The following DYNLT5 variants were observed in gnomAD, a reference collection of about 807,000 sequenced individuals.
DYNLT5 encodes dynein light chain Tctex-type family member 5, also known as dynein light chain Tctex-type 5.
Under a neutral mutation model 19.3 loss-of-function variants are expected in DYNLT5, and 25 were observed. That is an observed-to-expected ratio of 1.30 (90% CI 0.95 to 1.81). The LOEUF is 1.81. Among genes scored for constraint, DYNLT5 ranks in the 40% most tolerant of loss-of-function variants. The probability of loss-of-function intolerance (pLI) is 0.00; values close to 1 mark genes in which losing one functional copy is unlikely to be tolerated. For synonymous variants in DYNLT5, 82 were observed against 68.9 expected, an observed-to-expected ratio of 1.19 and a Z score of -0.94; for missense variants, 232 against 217.9, an observed-to-expected ratio of 1.06 and a Z score of -0.41.
chr1:66,752,722 G>GA, intron 1 of DYNLT5, 138 bp downstream of exon 1: 2 of 488,664 alleles, frequency 4.1e-6, no homozygotes, highest in Non-Finnish European at 2.7e-6. Context: ...CAACACATAA[G>GA]AAAAAATGAT....
chr1:66,754,840 G>A, intron 2 of DYNLT5, 63 bp downstream of exon 2: 1 of 1,495,318 alleles, frequency 6.7e-7, no homozygotes, highest in Non-Finnish European at 8.9e-7. Flanking sequence ...ATGTTTATTA[G>A]GAGAAAAAAA....
At chr1:66,760,261 C>T (rs1045945568) in intron 2 of DYNLT5, among the ~76,000 whole-genome samples, 4 of 152,222 alleles carry the variant, frequency 2.6e-5, no homozygotes, top group Middle Eastern at 3.4e-3. Context: ...AGTAACAGTT[C>T]CATGAGAGCA....
intron 2 of DYNLT5, among the ~76,000 whole-genome samples, chr1:66,764,095 G>C (rs1054255552): frequency 6.6e-6 from 1 of 152,084 alleles, no homozygotes; most frequent in African/African-American, 2.4e-5. Context: ...GACTGAGGTG[G>C]GAGGATCACC....
At chr1:66,754,165 A>C (rs1470756614) in intron 1 of DYNLT5, among the ~76,000 whole-genome samples, 1 of 152,044 alleles carries the variant, frequency 6.6e-6, no homozygotes, top group African/African-American at 2.4e-5. Context: ...GCTTGAGCCC[A>C]GGTGTTTGGG....
intron 2 of DYNLT5, among the ~76,000 whole-genome samples, chr1:66,756,800 C>T (rs922683963): frequency 1.1e-4 from 17 of 152,210 alleles, no homozygotes; most frequent in African/African-American, 4.1e-4. Flanking sequence ...ATCTTGCGGG[C>T]ATCATCCCCT....
chr1:66,759,881 T>A (rs1260994022), intron 2 of DYNLT5, among the ~76,000 whole-genome samples: 1 of 152,172 alleles, frequency 6.6e-6, no homozygotes, highest in Non-Finnish European at 1.5e-5. Flanking sequence ...AGCTACCTGA[T>A]ACCTTTGCAA....
rs2270702 is a variant in DYNLT5, at chr1:66,770,263, A to C, written c.120-124A>C. On this transcript the variant is annotated intron_variant, in intron 2 of 4. Coordinates refer to ENST00000282670, the MANE Select transcript of DYNLT5 (RefSeq NM_152665.3). ...TTCAATATGCCACTAGGATATTTAC[A>C]TAAGACTTACTTGAAATTTTCTGAG... The C allele has an allele frequency of 1.8e-5, 12 of 667,302 alleles. No homozygotes were observed. In the East Asian group the frequency reaches 3.2e-4, roughly 18 times the overall value. 41.3% of individuals were successfully genotyped at this position (667,302 alleles called of 1,614,324 possible). A position where few individuals can be genotyped will look rare whatever the true frequency, so the allele number is the denominator to read the frequency against.
At chr1:66,761,791 A>T (rs376007834) in intron 2 of DYNLT5, among the ~76,000 whole-genome samples, 3 of 152,218 alleles carry the variant, frequency 2.0e-5, no homozygotes, top group African/African-American at 7.2e-5. Flanking sequence ...TAAAATAAAA[A>T]TAAAATGAAA....
chr1:66,752,627 A>G (rs1367658639), intron 1 of DYNLT5, 43 bp downstream of exon 1: 2 of 979,598 alleles, frequency 2.0e-6, no homozygotes, highest in Non-Finnish European at 2.4e-6. Context: ...CCCCAAAGGA[A>G]GGATAGGGGG....
chr1:66,776,313 T>C lies in DYNLT5; in HGVS notation c.246T>C (p.Asn82=). The change falls in exon 4 of 5, where the codon AAT becomes AAC. Residue 82 remains asparagine (N), a synonymous_variant. Coordinates refer to ENST00000282670, the MANE Select transcript of DYNLT5 (RefSeq NM_152665.3). Reference sequence around the variant, plus strand: ...AACATTTTCCTGTGGTCACCGTCAATCATATTTTGAAAGATGTAGTAACCA... The same window carrying C: ...AACATTTTCCTGTGGTCACCGTCAACCATATTTTGAAAGATGTAGTAACCA... ...PPKHFPVVTV[N]HILKDVVTSY... The C allele has an allele frequency of 6.2e-7, 1 of 1,613,508 alleles. No homozygotes were observed. The highest frequency in any genetic ancestry group is 8.5e-7 in the Non-Finnish European group (1 of 1,179,682).
At chr1:66,768,667 A>T (rs1645183721) in intron 2 of DYNLT5, 1 of 152,154 alleles carries the variant, frequency 6.6e-6, no homozygotes, top group Non-Finnish European at 1.5e-5. Flanking sequence ...AGCTAATTTG[A>T]GTTTTGTACC....
Position 66,778,525 on chromosome 1 carries a change from G to A in DYNLT5, c.*1071G>A, listed in dbSNP as rs1645250581. 1 of 152,610 alleles carries A rather than the reference G, an allele frequency of 6.6e-6. No individual in the cohort carries two copies. The highest frequency in any genetic ancestry group is 1.5e-5 in the Non-Finnish European group (1 of 68,034). The allele number at this position is 152,610 out of a possible 1,614,324, so 9.5% of individuals were successfully genotyped here. ...TGGCGTTGTTCTTGGATGGTAAGTGGACTGCCTAGAGGACATTTGTTAAAG... is the reference window on the plus strand; with the variant it reads ...TGGCGTTGTTCTTGGATGGTAAGTGAACTGCCTAGAGGACATTTGTTAAAG... On this transcript the variant is annotated 3_prime_UTR_variant, in exon 5 of 5. Transcript: ENST00000282670.
rs546210921 is a variant in DYNLT5 at position 66,764,545 on chromosome 1, G to A, written c.120-5842G>A. ...CTTCTTTATATGGATACAGTTTGTGGCACCCTAAACCAATTACAATAATAA... is the reference window on the plus strand; with the variant it reads ...CTTCTTTATATGGATACAGTTTGTGACACCCTAAACCAATTACAATAATAA... On this transcript the variant is annotated intron_variant, in intron 2 of 4. Transcript: ENST00000282670. 5.9e-5 allele frequency among the ~76,000 whole-genome samples: 9 copies of A among 152,274 alleles called. No individual in the cohort carries two copies. In the South Asian group the frequency reaches 1.7e-3, roughly 28 times the overall value.
chr1:66,767,738 C>A (rs182823226), intron 2 of DYNLT5, among the ~76,000 whole-genome samples: 137 of 152,284 alleles, frequency 9.0e-4, no homozygotes, highest in African/African-American at 3.1e-3. Flanking sequence ...TCAGAGGCTT[C>A]TTTCTTATCT....
chr1:66,769,787 C>A lies in DYNLT5; in HGVS notation c.120-600C>A, dbSNP rs77990515. Among the ~76,000 whole-genome samples, 142 of 152,178 alleles carry A rather than the reference C, an allele frequency of 9.3e-4. 5 individuals carry two copies. The East Asian group carries it at 0.024, about 25-fold the overall frequency. ...ATTGCCTTGATAACGAAACCAAAAC[C>A]CTTTTTCGATGTTGAAAAGGCCGAT... On this transcript the variant is annotated intron_variant, in intron 2 of 4. Coordinates refer to ENST00000282670, the MANE Select transcript of DYNLT5 (RefSeq NM_152665.3).
intron 2 of DYNLT5, 51 bp from the exon 3 acceptor site, chr1:66,770,333 TTTG>T (rs1572550149): frequency 7.7e-6 from 9 of 1,162,852 alleles, no homozygotes; most frequent in Admixed American, 1.8e-5. Context: ...AATATTGTAT[TTTG>T]TTATTATTGT....
chr1:66,766,868 T>C (rs1233117552), intron 2 of DYNLT5, among the ~76,000 whole-genome samples: 6 of 152,194 alleles, frequency 3.9e-5, no homozygotes, highest in African/African-American at 1.4e-4. Flanking sequence ...AGACTAATTA[T>C]TTTACCTCTG....
intron 3 of DYNLT5, among the ~76,000 whole-genome samples, chr1:66,772,877 G>A (rs1425472517): frequency 3.3e-5 from 5 of 152,156 alleles, no homozygotes; most frequent in Non-Finnish European, 7.4e-5. Context: ...TGTGGCATCT[G>A]TCGTATCTGA....
chr1:66,768,584 A>G (rs1240231536), intron 2 of DYNLT5: 1 of 152,218 alleles, frequency 6.6e-6, no homozygotes, highest in African/African-American at 2.4e-5. Flanking sequence ...CTGATTGTCA[A>G]TCTTCAGTAA....
Sources: allele counts gnomAD v4.1 joint callset (sites outside exome capture counted in the v4.1 genomes callset), GRCh38; gene constraint gnomAD v4.1.1; transcripts MANE v1.5; gene names NCBI Gene and HGNC (gene_info 2026-07-23, HGNC 2026-07-21).